The following ZNF540 variants were observed in gnomAD, a reference collection of about 807,000 sequenced individuals.
The protein encoded by ZNF540 is zinc finger protein 540.
Under a neutral mutation model 11.8 loss-of-function variants are expected in ZNF540, and 3 were observed. That is an observed-to-expected ratio of 0.25 (90% CI 0.12 to 0.65). The LOEUF (loss-of-function observed/expected upper bound fraction) is 0.65. Among genes scored for constraint, ZNF540 ranks in the 30% least tolerant of loss-of-function variants. ZNF540 has a pLI of 0.83. For synonymous variants in ZNF540, 247 were observed against 259.0 expected (o/e 0.95, Z 0.45); for missense variants, 709 against 793.1 (o/e 0.89, Z 1.27).
At chr19:37,552,322 T>G (rs956611969) in intron 1 of ZNF540, among the ~76,000 whole-genome samples, 7 of 152,240 alleles carry the variant, frequency 4.6e-5, no homozygotes, top group African/African-American at 1.7e-4. Flanking sequence ...GTTCTTTGTA[T>G]AAGTGAAAAC....
At chr19:37,604,017 TATC>T (rs1330590290) in intron 4 of ZNF540, among the ~76,000 whole-genome samples, 1 of 149,028 alleles carries the variant, frequency 6.7e-6, no homozygotes, top group African/African-American at 2.5e-5. Flanking sequence ...TTGTTTTGCT[TATC>T]ATAATTTTAT....
chr19:37,583,834 G>T, intron 1 of ZNF540: 1 of 803,856 alleles, frequency 1.2e-6, no homozygotes, highest in South Asian at 1.9e-5. Flanking sequence ...GAGATAAAAA[G>T]GTACACGGTG....
chr19:37,596,369 T>TA (rs916065818), intron 1 of ZNF540, among the ~76,000 whole-genome samples: 1 of 152,194 alleles, frequency 6.6e-6, no homozygotes, highest in African/African-American at 2.4e-5. Context: ...GTGGTGCAGT[T>TA]ATAGCTCACT....
At chr19:37,576,910 C>T in intron 1 of ZNF540, among the ~76,000 whole-genome samples, 1 of 151,126 alleles carries the variant, frequency 6.6e-6, no homozygotes, top group East Asian at 1.9e-4. Context: ...GCTTATATCC[C>T]TTTTTTTTTG....
In ZNF540 at chr19:37,611,635, A is replaced by C; in HGVS notation, c.355A>C (p.Arg119=). ...KTLRLKGSIF[R]NEWQNKSEFE... ...TCTTCGTCTGAAAGGATCCATTTTTAGAAATGAGTGGCAGAACAAAAGTGA... is the reference window on the plus strand; with the variant it reads ...TCTTCGTCTGAAAGGATCCATTTTTCGAAATGAGTGGCAGAACAAAAGTGA... The change falls in exon 5 of 5, where the codon AGA becomes CGA. Residue 119 remains arginine, a synonymous_variant. Transcript: ENST00000316433. 1 of 1,614,052 alleles carries C rather than the reference A, an allele frequency of 6.2e-7. No homozygotes were observed. Among genetic ancestry groups the C allele is most frequent in the Non-Finnish European group, 8.5e-7 (1 of 1,179,970 alleles).
chr19:37,610,174 G>C (rs1322696370), intron 4 of ZNF540, among the ~76,000 whole-genome samples: 2 of 152,154 alleles, frequency 1.3e-5, no homozygotes, highest in African/African-American at 4.8e-5. Flanking sequence ...CTTTGTAATT[G>C]TTACAAAAAT....
intron 1 of ZNF540, among the ~76,000 whole-genome samples, chr19:37,596,305 ATTTG>A (rs1462537454): frequency 5.9e-5 from 9 of 152,038 alleles, no homozygotes; most frequent in South Asian, 2.1e-4. Flanking sequence ...CAGATACTGT[ATTTG>A]TTTGTTTTAA....
rs1339085123 is a variant in ZNF540 at position 37,612,558 on chromosome 19, C to CA, written c.1279dup (p.Arg427LysfsTer5). ...AGGCTTTTAGTTATAGTGGTGACCT[C>CA]AGAGTACATTCTAGAATTCATACTG... is the stretch of plus-strand genomic sequence containing the variant. On this transcript the variant is annotated frameshift_variant, in exon 5 of 5. Coordinates refer to ENST00000316433, the MANE Select transcript of ZNF540 (RefSeq NM_001172225.3). LOFTEE classifies it low-confidence loss of function (END_TRUNC). 6.2e-7 allele frequency: 1 copy of CA among 1,613,880 alleles called. No individual in the cohort carries two copies.
At chr19:37,572,638 A>G (rs2043103036) in intron 1 of ZNF540, among the ~76,000 whole-genome samples, 1 of 152,208 alleles carries the variant, frequency 6.6e-6, no homozygotes, top group Non-Finnish European at 1.5e-5. Flanking sequence ...TTTTGCTAAG[A>G]AAGTATGCAA....
At chr19:37,602,767 C>T (rs557076653) in intron 4 of ZNF540, among the ~76,000 whole-genome samples, 1 of 152,200 alleles carries the variant, frequency 6.6e-6, no homozygotes, top group Admixed American at 6.5e-5. Context: ...GTGAGGTCAA[C>T]TGAACTGTAA....
Position 37,612,681 on chromosome 19 carries a change from C to T in ZNF540, c.1401C>T (p.Tyr467=), listed in dbSNP as rs760693147. Residue 467 remains tyrosine, a synonymous_variant, in exon 5 of 5, where the codon TAC becomes TAT. Coordinates refer to ENST00000316433, the MANE Select transcript of ZNF540 (RefSeq NM_001172225.3). Reference sequence around the variant, plus strand: ...GACTTCATACTGGTGTGAAGCCCTACGAATGTAAGGAATGTGGGAAGACCT... The same window carrying T: ...GACTTCATACTGGTGTGAAGCCCTATGAATGTAAGGAATGTGGGAAGACCT... ...HQRLHTGVKP[Y]ECKECGKTFR... is the part of the protein sequence containing the mutation. 8.1e-6 allele frequency: 13 copies of T among 1,613,870 alleles called. No homozygotes were observed. Among genetic ancestry groups the T allele is most frequent in the African/African-American group, 1.3e-5 (1 of 74,932 alleles).
chr19:37,565,254 T>C (rs1401936675), intron 1 of ZNF540: 4 of 1,612,286 alleles, frequency 2.5e-6, no homozygotes, highest in South Asian at 2.2e-5. Context: ...TCTTTGCATT[T>C]ATAAGGTCTC....
chr19:37,591,380 G>C (rs1394208518), upstream of ZNF540, among the ~76,000 whole-genome samples: 3 of 152,158 alleles, frequency 2.0e-5, no homozygotes, highest in Non-Finnish European at 4.4e-5. Context: ...AAAAAGAGCA[G>C]TTTGATATAA....
At chr19:37,602,833 C>G (rs1161288932) in intron 4 of ZNF540, among the ~76,000 whole-genome samples, 1 of 151,864 alleles carries the variant, frequency 6.6e-6, no homozygotes, top group Non-Finnish European at 1.5e-5. Flanking sequence ...GTTAAGAGGA[C>G]AAGGTTTCAG....
rs767320346 is a variant in ZNF540, at chr19:37,612,915, T to C, written c.1635T>C (p.His545=). 2 of 1,614,016 alleles carry C rather than the reference T, an allele frequency of 1.2e-6. No individual in the cohort carries two copies. The highest frequency in any genetic ancestry group is 2.7e-5 in the African/African-American group (2 of 74,928). The change falls in exon 5 of 5, where the codon CAT becomes CAC. Residue 545 remains histidine, a synonymous_variant. Coordinates refer to ENST00000316433, the MANE Select transcript of ZNF540 (RefSeq NM_001172225.3). Reference sequence around the variant, plus strand: ...ATCTTAAAGAACATCTGAAAATTCATTCTGGTTTAAAACCCTATGACTGTA... The same window carrying C: ...ATCTTAAAGAACATCTGAAAATTCACTCTGGTTTAAAACCCTATGACTGTA... ...RGNLKEHLKI[H]SGLKPYDCKE...
At chr19:37,585,131 T>C (rs2043624231) in intron 1 of ZNF540, 1 of 152,182 alleles carries the variant, frequency 6.6e-6, no homozygotes, top group East Asian at 1.9e-4. Context: ...GAGACATCAC[T>C]CTGAACTGGT....
chr19:37,593,173 T>G (rs2043917621), upstream of ZNF540, among the ~76,000 whole-genome samples: 1 of 152,180 alleles, frequency 6.6e-6, no homozygotes, highest in South Asian at 2.1e-4. Flanking sequence ...TTTTAAAATA[T>G]AATGTCCTTT....
intron 1 of ZNF540, among the ~76,000 whole-genome samples, chr19:37,596,627 T>G (rs1701559800): frequency 6.6e-6 from 1 of 152,226 alleles, no homozygotes; most frequent in Non-Finnish European, 1.5e-5. Flanking sequence ...TCTGCATATA[T>G]CCTAGTGAAC....
chr19:37,552,403 G>A (rs2042615326), intron 1 of ZNF540, among the ~76,000 whole-genome samples: 1 of 152,044 alleles, frequency 6.6e-6, no homozygotes, highest in Admixed American at 6.6e-5. Context: ...GCACCGTTCA[G>A]GTATCTTATA....
Sources: allele counts gnomAD v4.1 joint callset (sites outside exome capture counted in the v4.1 genomes callset), GRCh38; gene constraint gnomAD v4.1.1; transcripts MANE v1.5; gene names NCBI Gene and HGNC (gene_info 2026-07-23, HGNC 2026-07-21).